Variants in TSHZ3 observed in about 807,000 individuals in gnomAD.
The protein encoded by TSHZ3 is teashirt homolog 3.
Under a neutral mutation model 64.5 loss-of-function variants are expected in TSHZ3, and 10 were observed. That is an observed-to-expected ratio of 0.16 (90% CI 0.10 to 0.26). The LOEUF (loss-of-function observed/expected upper bound fraction) is 0.26, where lower values mean the gene tolerates loss of function less well. Among genes scored for constraint, TSHZ3 ranks in the 10% least tolerant of loss-of-function variants. The pLI is 1.00. For synonymous variants in TSHZ3, 608 were observed against 593.1 expected (o/e 1.03, Z -0.36); for missense variants, 1,242 against 1,421.7 (o/e 0.87, Z 2.03).
chr19:31,230,468 T>C (rs1238773235), intron 3 of TSHZ3, among the ~76,000 whole-genome samples: 1 of 152,164 alleles, frequency 6.6e-6, no homozygotes. Context: ...TGTAACAAGA[T>C]TCTTAAAAAC....
At chr19:31,329,421 T>A (rs1396521702) in intron 1 of TSHZ3, among the ~76,000 whole-genome samples, 2 of 152,242 alleles carry the variant, frequency 1.3e-5, no homozygotes, top group African/African-American at 4.8e-5. Context: ...CTTAGTGGTA[T>A]AAGGTCAGCC....
rs1193449229 is a variant in TSHZ3 at position 31,349,340 on chromosome 19, G to A, written c.-121C>T. 8.7e-6 allele frequency: 8 copies of A among 922,984 alleles called. No individual in the cohort carries two copies. Among genetic ancestry groups the A allele is most frequent in the African/African-American group, 5.3e-5 (3 of 56,450 alleles). The allele number at this position is 922,984 out of a possible 1,614,324, so 57.2% of individuals were successfully genotyped here. Reference sequence around the variant, plus strand: ...GGGCCTGCTCTCAGCCTCCCCCCCGGAGAGCGGCCGCCCGCAGGATGCTGC... The same window carrying A: ...GGGCCTGCTCTCAGCCTCCCCCCCGAAGAGCGGCCGCCCGCAGGATGCTGC... On this transcript the variant is annotated 5_prime_UTR_variant, in exon 1 of 2. Coordinates refer to ENST00000240587, the MANE Select transcript of TSHZ3 (RefSeq NM_020856.4).
chr19:31,301,052 A>C (rs188406233), intron 1 of TSHZ3, among the ~76,000 whole-genome samples: 1 of 152,154 alleles, frequency 6.6e-6, no homozygotes, highest in Non-Finnish European at 1.5e-5. Context: ...CCTTAATGCT[A>C]TATCAGAATA....
intron 1 of TSHZ3, among the ~76,000 whole-genome samples, chr19:31,341,644 C>T (rs1005951124): frequency 6.5e-5 from 9 of 138,232 alleles, no homozygotes; most frequent in African/African-American, 3.1e-4. Context: ...CACACACACA[C>T]ACACACACAC....
At chr19:31,312,460 G>A (rs1432115146) in intron 1 of TSHZ3, among the ~76,000 whole-genome samples, 5 of 152,202 alleles carry the variant, frequency 3.3e-5, no homozygotes, top group African/African-American at 1.2e-4. Flanking sequence ...TCCCATCAGA[G>A]CAGGACACTC....
At position 31,338,888 on chromosome 19, in the gene TSHZ3, G is replaced by A. The variant is rs187400677; in HGVS notation, c.40+10292C>T. Among the ~76,000 whole-genome samples, 15 of 150,808 alleles carry A rather than the reference G, an allele frequency of 9.9e-5. No homozygotes were observed. In the East Asian group the frequency reaches 2.9e-3, roughly 30 times the overall value. On this transcript the variant is annotated intron_variant, in intron 1 of 1. Transcript: ENST00000240587. ...GGAGTCTTCTGTATTGCACATGCGA[G>A]GGTTTGTGTCTGGTCAGCTGCAATG...
At chr19:31,345,871 G>C (rs1415372661) in intron 1 of TSHZ3, among the ~76,000 whole-genome samples, 1 of 152,042 alleles carries the variant, frequency 6.6e-6, no homozygotes, top group Non-Finnish European at 1.5e-5. Context: ...AGGGGATAAT[G>C]GTCATTTTGC....
chr19:31,286,291 T>A (rs1334288122), intron 1 of TSHZ3, among the ~76,000 whole-genome samples: 1 of 152,052 alleles, frequency 6.6e-6, no homozygotes, highest in Non-Finnish European at 1.5e-5. Context: ...GAGACACACA[T>A]GGATGAGAAA....
At chr19:31,342,558 AC>A (rs756432736) in intron 1 of TSHZ3, among the ~76,000 whole-genome samples, 1 of 152,174 alleles carries the variant, frequency 6.6e-6, no homozygotes, top group East Asian at 1.9e-4. Context: ...TAAATTCAAA[AC>A]CCATTTACAT....
chr19:31,348,866 G>A (rs985831357), intron 1 of TSHZ3: 3 of 324,344 alleles, frequency 9.2e-6, no homozygotes, highest in African/African-American at 2.2e-5. Context: ...CCCACAGAAA[G>A]AGCCAGGCCG....
chr19:31,338,410 G>A (rs186427827), intron 1 of TSHZ3, among the ~76,000 whole-genome samples: 1 of 152,320 alleles, frequency 6.6e-6, no homozygotes, highest in Admixed American at 6.5e-5. Flanking sequence ...GCTGCTGGGA[G>A]CCCGGGCAGG....
chr19:31,218,838 C>A (rs1416260994), intron 4 of TSHZ3, among the ~76,000 whole-genome samples: 1 of 152,214 alleles, frequency 6.6e-6, no homozygotes, highest in Non-Finnish European at 1.5e-5. Flanking sequence ...TAACTTAAAC[C>A]TTTAAATTTG....
At chr19:31,314,683 CATTA>C (rs1321430352) in intron 1 of TSHZ3, among the ~76,000 whole-genome samples, 1 of 152,200 alleles carries the variant, frequency 6.6e-6, no homozygotes, top group Non-Finnish European at 1.5e-5. Flanking sequence ...CGTTAGATTA[CATTA>C]ATTAACTTTG....
chr19:31,235,150 A>G (rs1447054503), intron 3 of TSHZ3, among the ~76,000 whole-genome samples: 1 of 152,220 alleles, frequency 6.6e-6, no homozygotes, highest in Non-Finnish European at 1.5e-5. Context: ...CAACCAAACT[A>G]ATTAACATAC....
At chr19:31,157,717 C>G (rs946734887) in intron 5 of TSHZ3, among the ~76,000 whole-genome samples, 13 of 152,218 alleles carry the variant, frequency 8.5e-5, no homozygotes, top group Admixed American at 7.9e-4. Context: ...TTTCATGATT[C>G]TAATCGCCTA....
chr19:31,224,445 G>A (rs1975432157), intron 4 of TSHZ3, among the ~76,000 whole-genome samples: 1 of 152,188 alleles, frequency 6.6e-6, no homozygotes, highest in Non-Finnish European at 1.5e-5. Flanking sequence ...AATCACGTTG[G>A]TATTCTGAAG....
At chr19:31,202,943 G>T (rs1018079882) in intron 5 of TSHZ3, among the ~76,000 whole-genome samples, 3 of 152,082 alleles carry the variant, frequency 2.0e-5, no homozygotes, top group African/African-American at 4.8e-5. Context: ...GACAGACACC[G>T]AACTAGACCA....
At chr19:31,337,333 G>C (rs1917278433) in intron 1 of TSHZ3, among the ~76,000 whole-genome samples, 1 of 152,176 alleles carries the variant, frequency 6.6e-6, no homozygotes, top group African/African-American at 2.4e-5. Context: ...TTCTTCCCAT[G>C]AGTGCACTCA....
At chr19:31,247,759 T>C (rs1444171535) in intron 1 of TSHZ3, among the ~76,000 whole-genome samples, 3 of 152,178 alleles carry the variant, frequency 2.0e-5, no homozygotes, top group Non-Finnish European at 4.4e-5. Context: ...TTATGGGAAA[T>C]GCACGCTGAA....
Sources: allele counts gnomAD v4.1 joint callset (sites outside exome capture counted in the v4.1 genomes callset), GRCh38; gene constraint gnomAD v4.1.1; transcripts MANE v1.5; gene names NCBI Gene and HGNC (gene_info 2026-07-23, HGNC 2026-07-21).